Variants in FIP1L1 observed in about 807,000 individuals in gnomAD.
The protein encoded by FIP1L1 is pre-mRNA 3'-end-processing factor FIP1.
In FIP1L1, 21 loss-of-function variants were observed where a neutral mutation model predicts 84.6. The observed-to-expected ratio is 0.25, with a 90% CI of 0.18 to 0.36. The LOEUF (loss-of-function observed/expected upper bound fraction) is 0.36. Among genes scored for constraint, FIP1L1 ranks in the 10% least tolerant of loss-of-function variants. The probability of loss-of-function intolerance (pLI) is 1.00; values close to 1 mark genes in which losing one functional copy is unlikely to be tolerated. For synonymous variants in FIP1L1, 263 were observed against 242.3 expected, an observed-to-expected ratio of 1.09 and a Z score of -0.80; for missense variants, 526 against 751.1, an observed-to-expected ratio of 0.70 and a Z score of 3.50.
intron 13 of FIP1L1, among the ~76,000 whole-genome samples, chr4:53,436,492 A>G (rs1394545870): frequency 6.6e-6 from 1 of 152,230 alleles, no homozygotes; most frequent in East Asian, 1.9e-4. Flanking sequence ...GTGCCAGTGA[A>G]ATAGAAATAA....
At position 53,379,089 on chromosome 4, in the gene FIP1L1, T is replaced by G. The variant is rs1325429373; in HGVS notation, c.102T>G (p.His34Gln). The G allele has an allele frequency of 6.2e-7, 1 of 1,614,006 alleles. No individual in the cohort carries two copies. The highest frequency in any genetic ancestry group is 1.3e-5 in the African/African-American group (1 of 74,950). ...EWLYGGPWDV[H>Q]VHSDLAKDLD... ...TGCTTATAGGCCCATGGGACGTGCA[T>G]GTGCACAGTGATTTGGCAAAGGACC... The change falls in exon 2 of 18, where the codon CAT becomes CAG. Residue 34 changes from histidine to glutamine, a missense_variant. Coordinates refer to ENST00000337488, the MANE Select transcript of FIP1L1 (RefSeq NM_030917.4).
At chr4:53,389,235 T>C (rs1742826250) in intron 5 of FIP1L1, among the ~76,000 whole-genome samples, 1 of 152,158 alleles carries the variant, frequency 6.6e-6, no homozygotes, top group Admixed American at 6.5e-5. Flanking sequence ...ATTAACAATA[T>C]CAAATGCAAG....
chr4:53,452,788 A>C (rs1197083120), intron 15 of FIP1L1, 132 bp from the exon 16 acceptor site: 14 of 656,488 alleles, frequency 2.1e-5, no homozygotes, highest in Non-Finnish European at 3.4e-5. Context: ...GTGGGTATTC[A>C]TTCACCATGT....
At chr4:53,380,430 C>T (rs1737212439) in intron 3 of FIP1L1, among the ~76,000 whole-genome samples, 1 of 152,252 alleles carries the variant, frequency 6.6e-6, no homozygotes, top group African/African-American at 2.4e-5. Flanking sequence ...CTAATGTATA[C>T]AAAGTTCCTT....
Position 53,460,844 on chromosome 4 carries a change from A to G in FIP1L1, c.*1395A>G, listed in dbSNP as rs1420366792. The G allele has an allele frequency of 3.7e-5, 51 of 1,388,884 alleles. No homozygotes were observed. In the South Asian group the frequency reaches 6.2e-4, roughly 17 times the overall value. The allele number at this position is 1,388,884 out of a possible 1,614,324, so 86.0% of individuals were successfully genotyped here. A position where few individuals can be genotyped will look rare whatever the true frequency, so the allele number is the denominator to read the frequency against. ...AAATATAAAAACTGACAAGATAAAT[A>G]TAGTGTTTCAACTTCTTAGCCTATT... On this transcript the variant is annotated 3_prime_UTR_variant, in exon 18 of 18. Coordinates refer to ENST00000337488, the MANE Select transcript of FIP1L1 (RefSeq NM_030917.4).
intron 1 of FIP1L1, 24 bp downstream of exon 1, chr4:53,377,947 T>C: frequency 1.3e-6 from 2 of 1,544,382 alleles, no homozygotes; most frequent in Non-Finnish European, 1.8e-6. Flanking sequence ...TGTCTCTGTC[T>C]CTCGGGTTCT....
intron 16 of FIP1L1, among the ~76,000 whole-genome samples, chr4:53,458,169 T>C (rs964910081): frequency 2.0e-5 from 3 of 152,142 alleles, no homozygotes; most frequent in African/African-American, 7.2e-5. Context: ...TAAAAACTTA[T>C]TTGCTTTCTG....
intron 13 of FIP1L1, among the ~76,000 whole-genome samples, chr4:53,433,026 C>T (rs1767453332): frequency 6.6e-6 from 1 of 152,050 alleles, no homozygotes; most frequent in African/African-American, 2.4e-5. Flanking sequence ...GTTAAGAAGT[C>T]TGTGTTTAGC....
chr4:53,402,403 G>GA (rs1030290578), intron 10 of FIP1L1, among the ~76,000 whole-genome samples: 4 of 152,064 alleles, frequency 2.6e-5, no homozygotes, highest in Middle Eastern at 3.4e-3. Context: ...TCAAAACAAA[G>GA]AAAAAAACAG....
chr4:53,444,505 A>C (rs1169477798), intron 15 of FIP1L1, among the ~76,000 whole-genome samples: 1 of 151,212 alleles, frequency 6.6e-6, no homozygotes, highest in Non-Finnish European at 1.5e-5. Context: ...TTTCATGTTC[A>C]TTCTTGACAA....
At chr4:53,394,728 A>T (rs1560500099) in intron 9 of FIP1L1, among the ~76,000 whole-genome samples, 1 of 149,384 alleles carries the variant, frequency 6.7e-6, no homozygotes, top group East Asian at 2.0e-4. Context: ...AAATTGTGAT[A>T]ATTTATTTAT....
intron 3 of FIP1L1, among the ~76,000 whole-genome samples, chr4:53,380,684 C>T (rs1737378683): frequency 1.3e-5 from 2 of 152,148 alleles, no homozygotes; most frequent in Non-Finnish European, 2.9e-5. Flanking sequence ...TCTTTTCACT[C>T]ATTGGTATAT....
chr4:53,437,474 GT>G (rs1769903185), intron 13 of FIP1L1, among the ~76,000 whole-genome samples: 1 of 151,710 alleles, frequency 6.6e-6, no homozygotes, highest in African/African-American at 2.4e-5. Flanking sequence ...TATTTAGTCT[GT>G]ACTAAATTGC....
At chr4:53,433,055 A>G (rs1363928734) in intron 13 of FIP1L1, among the ~76,000 whole-genome samples, 1 of 152,166 alleles carries the variant, frequency 6.6e-6, no homozygotes. Flanking sequence ...GTTTTGAAAT[A>G]TTTGTTTATT....
At chr4:53,430,411 C>A (rs1273207935) in intron 13 of FIP1L1, among the ~76,000 whole-genome samples, 1 of 127,540 alleles carries the variant, frequency 7.8e-6, no homozygotes, top group African/African-American at 3.1e-5. Context: ...TGCAGTGGTG[C>A]GGTCTCAGCT....
intron 10 of FIP1L1, among the ~76,000 whole-genome samples, chr4:53,409,427 G>C (rs548776612): frequency 2.0e-5 from 3 of 152,204 alleles, no homozygotes; most frequent in Admixed American, 1.3e-4. Context: ...CTCCCACTTA[G>C]ACTGCTCGGG....
At chr4:53,382,379 T>C in intron 4 of FIP1L1, 44 bp downstream of exon 4, 1 of 1,465,646 alleles carries the variant, frequency 6.8e-7, no homozygotes, top group Non-Finnish European at 9.6e-7. Context: ...CAAATCTTTA[T>C]CAATAGCTTC....
intron 10 of FIP1L1, among the ~76,000 whole-genome samples, chr4:53,409,667 T>C (rs1183381496): frequency 6.6e-6 from 1 of 152,230 alleles, no homozygotes; most frequent in African/African-American, 2.4e-5. Context: ...CTGGCTGCTT[T>C]GTTTACTTAA....
At chr4:53,407,532 G>T (rs554079948) in intron 10 of FIP1L1, among the ~76,000 whole-genome samples, 3 of 152,022 alleles carry the variant, frequency 2.0e-5, no homozygotes, top group African/African-American at 7.2e-5. Flanking sequence ...AGGTCTGCTT[G>T]GTGCAGAGCT....
Sources: gnomAD v4.1 joint callset for allele counts (sites outside exome capture counted in the v4.1 genomes callset) on GRCh38, gnomAD v4.1.1 for gene constraint, MANE v1.5 for transcripts, NCBI Gene and HGNC (gene_info 2026-07-23, HGNC 2026-07-21) for gene names.